Variants in SPSB1 observed in about 807,000 individuals in gnomAD.
The protein encoded by SPSB1 is splA/ryanodine receptor domain and SOCS box containing 1.
SPSB1 carries 8 observed loss-of-function variants against 21.2 expected under a neutral mutation model. The observed-to-expected ratio is 0.38, with a 90% CI of 0.22 to 0.68. The LOEUF (loss-of-function observed/expected upper bound fraction) is 0.68. Among genes scored for constraint, SPSB1 ranks in the 30% least tolerant of loss-of-function variants. The pLI is 0.53. For synonymous variants in SPSB1, 169 were observed against 161.7 expected, an observed-to-expected ratio of 1.05 and a Z score of -0.34; for missense variants, 242 against 377.8, an observed-to-expected ratio of 0.64 and a Z score of 2.98.
intron 1 of SPSB1, among the ~76,000 whole-genome samples, chr1:9,300,588 A>G (rs1186003463): frequency 6.6e-6 from 1 of 152,226 alleles, no homozygotes. Flanking sequence ...ACTGGACCCT[A>G]GTAGAGACTT....
intron 1 of SPSB1, among the ~76,000 whole-genome samples, chr1:9,319,148 TCTAGC>T (rs1639664057): frequency 6.6e-6 from 1 of 151,972 alleles, no homozygotes; most frequent in Non-Finnish European, 1.5e-5. Context: ...ACCACTGCAC[TCTAGC>T]CTGGGCAACA....
At chr1:9,298,400 G>GAGTGAACGAATGAATGAATA (rs1253203957) in intron 1 of SPSB1, among the ~76,000 whole-genome samples, 2 of 107,434 alleles carry the variant, frequency 1.9e-5, no homozygotes, top group African/African-American at 9.5e-5. Flanking sequence ...ATGAATGAAT[G>GAGTGAACGAATGAATGAATA]AGTGAACGAA....
chr1:9,353,946 C>T (rs1049647795), intron 1 of SPSB1, among the ~76,000 whole-genome samples: 1 of 151,372 alleles, frequency 6.6e-6, no homozygotes, highest in Admixed American at 6.6e-5. Context: ...CCCTGTGTCT[C>T]ACATCAGAAA....
chr1:9,304,409 C>T (rs2100463546), intron 1 of SPSB1, among the ~76,000 whole-genome samples: 1 of 152,268 alleles, frequency 6.6e-6, no homozygotes, highest in African/African-American at 2.4e-5. Flanking sequence ...CCCTCTCGAT[C>T]CTATGGGTTT....
rs754518680 is a variant in SPSB1, at chr1:9,353,484, C to T, written c.-149-2259C>T. Among the ~76,000 whole-genome samples the T allele has an allele frequency of 2.2e-4, 33 of 152,164 alleles. 1 individual carries two copies. The highest frequency in any genetic ancestry group is 4.0e-4 in the Non-Finnish European group (27 of 68,030). On this transcript the variant is annotated intron_variant, in intron 1 of 2. Transcript: ENST00000328089. ...CTGGGAGATCATGGATGTGAGGTCA[C>T]AGTATTCACAGAACTCTCTGGAACC...
At chr1:9,350,728 G>A (rs945930435) in intron 1 of SPSB1, among the ~76,000 whole-genome samples, 2 of 152,246 alleles carry the variant, frequency 1.3e-5, no homozygotes, top group Non-Finnish European at 2.9e-5. Flanking sequence ...CCTGGGTGGG[G>A]ATGAAGGCTG....
chr1:9,358,663 A>G (rs1401592224), intron 2 of SPSB1, among the ~76,000 whole-genome samples: 1 of 152,190 alleles, frequency 6.6e-6, no homozygotes, highest in Non-Finnish European at 1.5e-5. Flanking sequence ...TTCTTTGCAG[A>G]CAGACAGATG....
At chr1:9,359,301 C>T (rs1212939566) in intron 2 of SPSB1, among the ~76,000 whole-genome samples, 3 of 152,184 alleles carry the variant, frequency 2.0e-5, no homozygotes, top group African/African-American at 4.8e-5. Flanking sequence ...GTCACAACTC[C>T]GCTGCAGCGT....
At chr1:9,296,746 T>C (rs1168936236) in intron 1 of SPSB1, among the ~76,000 whole-genome samples, 2 of 152,268 alleles carry the variant, frequency 1.3e-5, no homozygotes, top group Non-Finnish European at 2.9e-5. Context: ...TGTTACTCTA[T>C]GCGGGGCAAG....
chr1:9,329,571 GTAGTCCCAGC>G (rs1303428575), intron 1 of SPSB1, among the ~76,000 whole-genome samples: 1 of 152,102 alleles, frequency 6.6e-6, no homozygotes, highest in African/African-American at 2.4e-5. Flanking sequence ...GCATGCGCCT[GTAGTCCCAGC>G]TACTCAGGAG....
chr1:9,300,091 G>A (rs141840892), intron 1 of SPSB1, among the ~76,000 whole-genome samples: 6 of 152,176 alleles, frequency 3.9e-5, no homozygotes, highest in South Asian at 2.1e-4. Flanking sequence ...CATGTCAAGC[G>A]ATGGGAAATA....
In SPSB1 at chr1:9,356,802, C is replaced by CT. The variant is rs1325805860; in HGVS notation, c.694+217_694+218insT. ...TAACGGTGCCTCATGAATGAATGGA[C>CT]AGATGGATGGATGATGGATGATGAA... On this transcript the variant is annotated intron_variant, in intron 2 of 2. Coordinates refer to ENST00000328089, the MANE Select transcript of SPSB1 (RefSeq NM_025106.4). This position sits in a 1 kb window ranked among gnomAD's most constrained non-coding sequence, Gnocchi z 7.4. 6.6e-6 allele frequency among the ~76,000 whole-genome samples: 1 copy of CT among 152,108 alleles called. No individual in the cohort carries two copies. The highest frequency in any genetic ancestry group is 1.5e-5 in the Non-Finnish European group (1 of 68,028).
At chr1:9,350,477 C>T (rs929469741) in intron 1 of SPSB1, among the ~76,000 whole-genome samples, 1 of 152,250 alleles carries the variant, frequency 6.6e-6, no homozygotes, top group African/African-American at 2.4e-5. Flanking sequence ...GAGCAGGCGC[C>T]GCCGGCCAGG....
chr1:9,293,574 T>TC lies in SPSB1; in HGVS notation c.-150+508dup, dbSNP rs946744340. 7.3e-4 allele frequency among the ~76,000 whole-genome samples: 111 copies of TC among 151,374 alleles called. 1 individual carries two copies. Among genetic ancestry groups the TC allele is most frequent in the Non-Finnish European group, 3.5e-4 (24 of 67,794 alleles). On this transcript the variant is annotated intron_variant, in intron 1 of 2. Coordinates refer to ENST00000328089, the MANE Select transcript of SPSB1 (RefSeq NM_025106.4). The surrounding 1 kb of genome is among the most constrained non-coding windows in gnomAD (Gnocchi z 5.1). Reference sequence around the variant, plus strand: ...GGCGCCCCCACCCTCCCGCAGCGCCTCCCCCAGGGAGCCTGCCGGGGACAC... The same window carrying TC: ...GGCGCCCCCACCCTCCCGCAGCGCCTCCCCCCAGGGAGCCTGCCGGGGACAC...
At position 9,356,432 on chromosome 1, in the gene SPSB1, C is replaced by T; in HGVS notation, c.541C>T (p.Leu181=). The change falls in exon 2 of 3, where the codon CTG becomes TTG. Residue 181 remains leucine (L), a synonymous_variant. Transcript: ENST00000328089. The surrounding 1 kb of genome is among the most constrained non-coding windows in gnomAD (Gnocchi z 7.4). ...TGTCCCTGACTCCTTCCTGGTAGCC[C>T]TGGACATGGACGACGGGACTCTGAG... ...FIVPDSFLVA[L]DMDDGTLSFI... 6.2e-7 allele frequency: 1 copy of T among 1,614,136 alleles called. No individual in the cohort carries two copies.
intron 1 of SPSB1, chr1:9,339,369 G>T (rs577020565): frequency 1.1e-6 from 1 of 908,168 alleles, no homozygotes; most frequent in East Asian, 1.2e-4. Flanking sequence ...GTGACTCACC[G>T]CCAGGCCAGG....
intron 1 of SPSB1, among the ~76,000 whole-genome samples, chr1:9,315,080 A>G (rs940162203): frequency 1.3e-5 from 2 of 152,244 alleles, no homozygotes; most frequent in African/African-American, 4.8e-5. Context: ...GGTTTAAAAT[A>G]CAACATCTTG....
At chr1:9,333,965 G>A (rs1293893096) in intron 1 of SPSB1, among the ~76,000 whole-genome samples, 3 of 152,192 alleles carry the variant, frequency 2.0e-5, no homozygotes, top group Non-Finnish European at 4.4e-5. Context: ...TGTCCCAGTA[G>A]CATCAGGACA....
At chr1:9,316,689 C>T (rs1207726688) in intron 1 of SPSB1, among the ~76,000 whole-genome samples, 1 of 152,240 alleles carries the variant, frequency 6.6e-6, no homozygotes, top group African/African-American at 2.4e-5. Context: ...CTCCCGGATT[C>T]CTGTGGCGCG....
Sources: gnomAD v4.1 joint callset for allele counts (sites outside exome capture counted in the v4.1 genomes callset) on GRCh38, gnomAD v4.1.1 for gene constraint, Gnocchi (gnomAD v3.1) non-coding constraint, MANE v1.5 for transcripts, NCBI Gene and HGNC (gene_info 2026-07-23, HGNC 2026-07-21) for gene names.